Variants in LRRC37A2 observed in about 807,000 individuals in gnomAD.
The protein encoded by LRRC37A2 is leucine rich repeat containing 37 member A2, also known as leucine-rich repeat-containing protein 37A2.
In LRRC37A2, 9 loss-of-function variants were observed where a neutral mutation model predicts 68.8. That is an observed-to-expected ratio of 0.13 (90% confidence interval 0.08 to 0.23). The LOEUF (loss-of-function observed/expected upper bound fraction) is 0.23. LRRC37A2 is among the 10% of genes least tolerant of loss of function. The pLI is 1.00. For synonymous variants in LRRC37A2, 63 were observed against 367.6 expected (o/e 0.17, Z 9.48); for missense variants, 168 against 950.4 (o/e 0.18, Z 10.82).
At chr17:46,837,521 G>A in the LRRC37A2 span, among the ~76,000 whole-genome samples, 2 of 152,186 alleles carry the variant, frequency 1.3e-5, no homozygotes, top group African/African-American at 4.8e-5. Flanking sequence ...AAGAGCTGCC[G>A]CTGCCACCCT....
the LRRC37A2 span, chr17:46,749,766 T>C: frequency 6.2e-7 from 1 of 1,610,870 alleles, no homozygotes; most frequent in Non-Finnish European, 8.5e-7. Flanking sequence ...TTTCTCCCTA[T>C]GATCAGGGCC....
the LRRC37A2 span, among the ~76,000 whole-genome samples, chr17:47,008,973 A>G: frequency 1.3e-5 from 2 of 152,188 alleles, no homozygotes; most frequent in Admixed American, 1.3e-4. Flanking sequence ...AGAAAAATAA[A>G]TTTCATGGAA....
the LRRC37A2 span, among the ~76,000 whole-genome samples, chr17:46,991,462 A>C: frequency 6.6e-6 from 1 of 151,808 alleles, no homozygotes; most frequent in Non-Finnish European, 1.5e-5. Context: ...CCCCATCTCT[A>C]TCAAAAATAC....
At chr17:47,029,754 T>C in the LRRC37A2 span, among the ~76,000 whole-genome samples, 1 of 152,140 alleles carries the variant, frequency 6.6e-6, no homozygotes, top group African/African-American at 2.4e-5. Context: ...CTAAGCACTT[T>C]ATACAACTGG....
the LRRC37A2 span, among the ~76,000 whole-genome samples, chr17:46,830,279 T>A: frequency 3.1e-4 from 47 of 152,122 alleles, no homozygotes; most frequent in Non-Finnish European, 5.6e-4. Flanking sequence ...TGAGATGAGG[T>A]CTCGCTCTGT....
At chr17:46,542,816 T>C (rs2055626852) in intron 8 of LRRC37A2, among the ~76,000 whole-genome samples, 1 of 150,704 alleles carries the variant, frequency 6.6e-6, no homozygotes, top group African/African-American at 2.5e-5. Flanking sequence ...CCCCACAATA[T>C]GGCAAGCTAA....
At chr17:46,714,262 G>C in the LRRC37A2 span, among the ~76,000 whole-genome samples, 1 of 152,132 alleles carries the variant, frequency 6.6e-6, no homozygotes, top group Non-Finnish European at 1.5e-5. Flanking sequence ...TTGATTAAAA[G>C]AGTTATAGTT....
the LRRC37A2 span, among the ~76,000 whole-genome samples, chr17:46,785,956 T>A: frequency 1.3e-5 from 2 of 152,248 alleles, no homozygotes; most frequent in Non-Finnish European, 2.9e-5. Flanking sequence ...GCTGATCTGA[T>A]AAGATGTGAC....
chr17:46,738,794 T>G, the LRRC37A2 span, among the ~76,000 whole-genome samples: 1 of 152,250 alleles, frequency 6.6e-6, no homozygotes, highest in African/African-American at 2.4e-5. Context: ...TCATGAGCTG[T>G]TCATACAGTA....
At chr17:46,874,387 C>T in the LRRC37A2 span, among the ~76,000 whole-genome samples, 4 of 152,166 alleles carry the variant, frequency 2.6e-5, no homozygotes, top group African/African-American at 9.7e-5. Flanking sequence ...AATGGTCATA[C>T]ACCGACCTGG....
At chr17:46,786,641 G>A in the LRRC37A2 span, among the ~76,000 whole-genome samples, 2 of 152,232 alleles carry the variant, frequency 1.3e-5, no homozygotes, top group Non-Finnish European at 2.9e-5. Flanking sequence ...AAGCCCAGAT[G>A]CCCTGTGCGT....
the LRRC37A2 span, chr17:46,934,941 G>A: frequency 8.5e-7 from 1 of 1,181,548 alleles, no homozygotes; most frequent in Non-Finnish European, 1.3e-6. Flanking sequence ...GGCTGTTCTG[G>A]CTTGGCCTTG....
the LRRC37A2 span, among the ~76,000 whole-genome samples, chr17:46,724,674 C>CT: frequency 6.6e-6 from 1 of 152,208 alleles, no homozygotes; most frequent in Non-Finnish European, 1.5e-5. Flanking sequence ...TTCCCCAACT[C>CT]TAACTTTTGT....
At chr17:46,923,464 A>C in the LRRC37A2 span, 25 of 1,405,886 alleles carry the variant, frequency 1.8e-5, no homozygotes, top group Non-Finnish European at 2.0e-5. Flanking sequence ...CAAGTTCGTG[A>C]CTACCTGCTG....
the LRRC37A2 span, among the ~76,000 whole-genome samples, chr17:46,666,142 T>C: frequency 6.7e-6 from 1 of 149,160 alleles, no homozygotes; most frequent in Non-Finnish European, 1.5e-5. Flanking sequence ...AAGGGGAACT[T>C]TGGAAAATAA....
chr17:46,870,204 C>T, the LRRC37A2 span, among the ~76,000 whole-genome samples: 2 of 152,290 alleles, frequency 1.3e-5, no homozygotes, highest in African/African-American at 4.8e-5. Flanking sequence ...TTCTGAAACA[C>T]AGGAATTGTG....
chr17:46,877,038 C>G, the LRRC37A2 span: 26 of 1,164,292 alleles, frequency 2.2e-5, no homozygotes, highest in African/African-American at 3.8e-4. Flanking sequence ...AAATTTTGGA[C>G]GGGAGAGAGG....
chr17:47,026,094 G>A, the LRRC37A2 span, among the ~76,000 whole-genome samples: 3 of 150,756 alleles, frequency 2.0e-5, no homozygotes, highest in Middle Eastern at 3.4e-3. Flanking sequence ...ATTGTTTCTC[G>A]AACATAGAAG....
the LRRC37A2 span, among the ~76,000 whole-genome samples, chr17:46,860,409 A>G: frequency 1.3e-5 from 2 of 152,166 alleles, no homozygotes; most frequent in Non-Finnish European, 2.9e-5. Flanking sequence ...AGGATCGGAC[A>G]TGGCCCAAGG....
Sources: gnomAD v4.1 joint callset for allele counts (sites outside exome capture counted in the v4.1 genomes callset) on GRCh38, gnomAD v4.1.1 for gene constraint, MANE v1.5 for transcripts, NCBI Gene and HGNC (gene_info 2026-07-23, HGNC 2026-07-21) for gene names.